Variants in INTS4 observed in about 807,000 individuals in gnomAD.
INTS4 encodes the protein MSTP093.
In INTS4, 70 loss-of-function variants were observed where a neutral mutation model predicts 119.5. That is an observed-to-expected ratio of 0.59 (90% CI 0.48 to 0.71). The LOEUF is 0.71. INTS4 is among the 30% of genes least tolerant of loss of function. The pLI is 0.00. For synonymous variants in INTS4, 316 were observed against 419.6 expected, an observed-to-expected ratio of 0.75 and a Z score of 3.02; for missense variants, 867 against 1,173.2, an observed-to-expected ratio of 0.74 and a Z score of 3.81.
Position 77,978,887 on chromosome 11 carries a change from C to A in INTS4, c.471+109G>T, listed in dbSNP as rs566985865. ...AAGTGTACTTAACTTTATTCCTAATCCAACACCAAGAGATGAAAAAAATAA... is the reference window on the plus strand; with the variant it reads ...AAGTGTACTTAACTTTATTCCTAATACAACACCAAGAGATGAAAAAAATAA... On this transcript the variant is annotated intron_variant, in intron 4 of 22. Transcript: ENST00000534064. The A allele has an allele frequency of 3.6e-4, 234 of 648,486 alleles. 5 individuals carry two copies. In the South Asian group the frequency reaches 4.1e-3, roughly 11 times the overall value. The allele number at this position is 648,486 out of a possible 1,614,324, so 40.2% of individuals were successfully genotyped here.
intron 14 of INTS4, among the ~76,000 whole-genome samples, chr11:77,920,202 T>C (rs201752842): frequency 2.9e-4 from 39 of 133,298 alleles, no homozygotes; most frequent in East Asian, 4.1e-4. Context: ...TATACATATA[T>C]ATACACACAT....
intron 2 of INTS4, among the ~76,000 whole-genome samples, chr11:77,984,501 GAA>G (rs111559039): frequency 7.5e-6 from 1 of 133,732 alleles, no homozygotes; most frequent in Admixed American, 7.6e-5. Context: ...GTCAAAAAAT[GAA>G]AAAAAAAAAA....
intron 18 of INTS4, among the ~76,000 whole-genome samples, chr11:77,898,442 G>A (rs562760841): frequency 2.4e-4 from 37 of 152,148 alleles, no homozygotes; most frequent in African/African-American, 8.7e-4. Flanking sequence ...GATTACAGGC[G>A]TGAGCCACTG....
intron 15 of INTS4, among the ~76,000 whole-genome samples, chr11:77,917,638 A>G (rs1953235922): frequency 6.6e-6 from 1 of 151,842 alleles, no homozygotes; most frequent in Admixed American, 6.6e-5. Flanking sequence ...TTTAAGAGCA[A>G]ACAATAAAGA....
At chr11:77,925,801 T>A (rs1446686053) in intron 11 of INTS4, among the ~76,000 whole-genome samples, 4 of 152,236 alleles carry the variant, frequency 2.6e-5, no homozygotes, top group Admixed American at 2.6e-4. Context: ...TTCTCTCTAT[T>A]CTGCAAACAC....
intron 15 of INTS4, chr11:77,917,943 T>A: frequency 1.6e-6 from 1 of 632,262 alleles, no homozygotes; most frequent in Non-Finnish European, 2.9e-6. Flanking sequence ...CCATGTGACT[T>A]AAGTTCTAGT....
intron 3 of INTS4, among the ~76,000 whole-genome samples, chr11:77,981,008 C>T (rs1856189782): frequency 6.6e-6 from 1 of 151,496 alleles, no homozygotes; most frequent in Non-Finnish European, 1.5e-5. Flanking sequence ...AAAAAAGTTT[C>T]TTGATGGAAC....
chr11:77,924,614 G>A (rs1953449660), intron 12 of INTS4, 136 bp downstream of exon 12: 1 of 672,648 alleles, frequency 1.5e-6, no homozygotes, highest in Non-Finnish European at 2.5e-6. Context: ...GTTCGGTTAA[G>A]TTGAATCAGG....
At chr11:77,934,823 C>T (rs1281449258) in intron 10 of INTS4, among the ~76,000 whole-genome samples, 1 of 152,160 alleles carries the variant, frequency 6.6e-6, no homozygotes, top group Non-Finnish European at 1.5e-5. Flanking sequence ...ACTTTCTATA[C>T]ATATGGAACA....
At chr11:77,920,206 C>CACATATATGT (rs1555026387) in intron 14 of INTS4, among the ~76,000 whole-genome samples, 2 of 88,958 alleles carry the variant, frequency 2.2e-5, no homozygotes, top group Non-Finnish European at 5.0e-5. Flanking sequence ...CATATATATA[C>CACATATATGT]ACACATATAT....
chr11:77,916,483 T>C (rs1953207192), intron 15 of INTS4, among the ~76,000 whole-genome samples: 1 of 152,114 alleles, frequency 6.6e-6, no homozygotes, highest in Non-Finnish European at 1.5e-5. Flanking sequence ...AAAGGTACAG[T>C]AAAAATATAA....
intron 22 of INTS4, among the ~76,000 whole-genome samples, chr11:77,883,091 A>AATT (rs917045649): frequency 5.9e-5 from 9 of 151,598 alleles, no homozygotes; most frequent in African/African-American, 2.2e-4. Context: ...TAATAATAAT[A>AATT]ATAATAATAG....
At chr11:77,969,781 C>T (rs1372596288) in intron 4 of INTS4, among the ~76,000 whole-genome samples, 1 of 148,562 alleles carries the variant, frequency 6.7e-6, no homozygotes, top group East Asian at 2.0e-4. Flanking sequence ...AAAAAAAAAG[C>T]CATTCTGTAC....
chr11:77,912,125 G>A lies in INTS4; in HGVS notation c.1923-4315C>T, dbSNP rs546089909. 3.9e-5 allele frequency among the ~76,000 whole-genome samples: 6 copies of A among 152,180 alleles called. No homozygotes were observed. The East Asian group carries it at 9.7e-4, about 24-fold the overall frequency. On this transcript the variant is annotated intron_variant, in intron 15 of 22. Coordinates refer to ENST00000534064, the MANE Select transcript of INTS4 (RefSeq NM_033547.4). ...ACCTGTAATCCTAGCACTTTAGGAG[G>A]CCAAGGTGGGTGGATTGCCTGAGCT... is the stretch of plus-strand genomic sequence containing the variant.
chr11:77,883,571 T>C (rs564182744), intron 22 of INTS4, among the ~76,000 whole-genome samples: 3 of 152,234 alleles, frequency 2.0e-5, no homozygotes, highest in Admixed American at 1.3e-4. Flanking sequence ...GCCCTTTCCA[T>C]GAGACTCCAT....
intron 22 of INTS4, among the ~76,000 whole-genome samples, chr11:77,882,795 G>A (rs938281856): frequency 4.6e-5 from 7 of 152,190 alleles, no homozygotes; most frequent in African/African-American, 1.7e-4. Flanking sequence ...TAAAGGCCCA[G>A]CGCAGTGGCT....
intron 2 of INTS4, among the ~76,000 whole-genome samples, chr11:77,988,244 C>G (rs1488505478): frequency 6.6e-6 from 1 of 152,158 alleles, no homozygotes; most frequent in African/African-American, 2.4e-5. Context: ...ACACATATGG[C>G]AAACAATTGC....
chr11:77,912,896 C>T lies in INTS4; in HGVS notation c.1923-5086G>A, dbSNP rs542594041. On this transcript the variant is annotated intron_variant, in intron 15 of 22. Transcript: ENST00000534064. The stretch of plus-strand genomic sequence containing the variant: ...TTTTAAATAATTCAACTAAAAAATC[C>T]CATGTTCTTCATTGGTTAGTGTGTA... Among the ~76,000 whole-genome samples, 356 of 152,214 alleles carry T rather than the reference C, an allele frequency of 2.3e-3. 1 individual carries two copies. The highest frequency in any genetic ancestry group is 3.5e-3 in the Non-Finnish European group (239 of 68,012).
intron 18 of INTS4, among the ~76,000 whole-genome samples, chr11:77,895,221 A>C (rs529165375): frequency 6.6e-6 from 1 of 152,152 alleles, no homozygotes; most frequent in Non-Finnish European, 1.5e-5. Context: ...TATTTCTTGT[A>C]TGTAATTTCT....
Sources: allele counts gnomAD v4.1 joint callset (sites outside exome capture counted in the v4.1 genomes callset), GRCh38; gene constraint gnomAD v4.1.1; transcripts MANE v1.5; gene names NCBI Gene and HGNC (gene_info 2026-07-23, HGNC 2026-07-21).